The following CA8 variants were observed in gnomAD, a reference collection of about 807,000 sequenced individuals.
CA8 encodes carbonic anhydrase-related protein.
In CA8, 22 loss-of-function variants were observed where a neutral mutation model predicts 41.4. That is an observed-to-expected ratio of 0.53 (90% CI 0.38 to 0.76). The LOEUF (loss-of-function observed/expected upper bound fraction) is 0.76. CA8 is among the 30% of genes least tolerant of loss of function. The probability of loss-of-function intolerance (pLI) is 0.00; values close to 1 mark genes in which losing one functional copy is unlikely to be tolerated. For synonymous variants in CA8, 121 were observed against 130.6 expected (o/e 0.93, Z 0.50); for missense variants, 270 against 352.8 (o/e 0.77, Z 1.88).
At chr8:60,209,407 C>T (rs1806754877) in intron 7 of CA8, among the ~76,000 whole-genome samples, 1 of 152,180 alleles carries the variant, frequency 6.6e-6, no homozygotes, top group African/African-American at 2.4e-5. Context: ...ATCACTTGAA[C>T]CCATGAGGCG....
chr8:60,278,711 T>C (rs1804317681), intron 2 of CA8, among the ~76,000 whole-genome samples: 2 of 152,302 alleles, frequency 1.3e-5, no homozygotes, highest in South Asian at 4.1e-4. Flanking sequence ...TCTATGACTA[T>C]CTCATGGATT....
At chr8:60,224,993 C>A (rs1294389905) in intron 5 of CA8, among the ~76,000 whole-genome samples, 1 of 151,866 alleles carries the variant, frequency 6.6e-6, no homozygotes, top group African/African-American at 2.4e-5. Flanking sequence ...CAGCTCCTAA[C>A]CTTTCCGGCA....
At chr8:60,241,102 T>C (rs914492639) in intron 3 of CA8, among the ~76,000 whole-genome samples, 3 of 152,238 alleles carry the variant, frequency 2.0e-5, no homozygotes, top group East Asian at 1.9e-4. Flanking sequence ...CATCAGCAGA[T>C]AAATCAAGAT....
intron 4 of CA8, among the ~76,000 whole-genome samples, chr8:60,231,256 T>C (rs982144977): frequency 1.3e-5 from 2 of 152,180 alleles, no homozygotes; most frequent in Non-Finnish European, 2.9e-5. Context: ...ATGAAATAAA[T>C]AGTAAGAGGA....
rs149029428 is a variant in CA8, at chr8:60,279,710, C to T, written c.271G>A (p.Val91Ile). 2.7e-5 allele frequency: 43 copies of T among 1,614,122 alleles called. No homozygotes were observed. The African/African-American group carries it at 5.3e-4, about 20-fold the overall frequency. Residue 91 changes from valine (V) to isoleucine (I), a missense_variant, in exon 2 of 9, where the codon GTT becomes ATT. Physicochemically the swap from Val to Ile is conservative, Grantham distance 29 (BLOSUM62 3). Coordinates refer to ENST00000317995, the MANE Select transcript of CA8 (RefSeq NM_004056.6). ...EVTNDGHTIQ[V>I]ILKSKSVLSG... Reference sequence around the variant, plus strand: ...ATACCTGATTTTGACTTCAGGATAACCTGAATGGTATGTCCATCATTGGTG... The same window carrying T: ...ATACCTGATTTTGACTTCAGGATAATCTGAATGGTATGTCCATCATTGGTG...
rs6471849 is a variant in CA8 at position 60,222,436 on chromosome 8, G to A, written c.738+213C>T. On this transcript the variant is annotated intron_variant, in intron 7 of 8. Transcript: ENST00000317995. ...CAGTGATTTCTATTAACTCTCTAAA[G>A]ACTAACTTTTAAAATATAGACCATA... Among the ~76,000 whole-genome samples, 129,617 of 152,226 alleles carry A rather than the reference G, an allele frequency of 0.85. 55,465 individuals are homozygous for A. The highest frequency in any genetic ancestry group is 0.93 in the African/African-American group (38,526 of 41,556).
chr8:60,224,466 A>G (rs1281607786), intron 6 of CA8, 71 bp downstream of exon 6: 1 of 900,714 alleles, frequency 1.1e-6, no homozygotes, highest in East Asian at 2.4e-5. Context: ...ATAGTTTTAC[A>G]TAGTCTGAAG....
intron 2 of CA8, among the ~76,000 whole-genome samples, chr8:60,267,936 G>T (rs1247829464): frequency 6.6e-6 from 1 of 152,152 alleles, no homozygotes; most frequent in Non-Finnish European, 1.5e-5. Context: ...AAGAATGTAT[G>T]AAACGTTTCT....
rs985279083 is a variant in CA8, at chr8:60,186,956, A to G, written c.*3065T>C. Among the ~76,000 whole-genome samples the G allele has an allele frequency of 5.3e-5, 8 of 152,062 alleles. No homozygotes were observed. Among genetic ancestry groups the G allele is most frequent in the Non-Finnish European group, 1.0e-4 (7 of 67,916 alleles). ...TATCAACAAGGAAATAGAAGACTTG[A>G]ACAACACAACAGGCCAACACTATAG... On this transcript the variant is annotated 3_prime_UTR_variant, in exon 9 of 9. Transcript: ENST00000317995.
rs1277413026 is a variant in CA8, at chr8:60,189,670, T to C, written c.*351A>G. ...CGGGAATGTATTTTTCCTTTCTCAA[T>C]ATTAACACATGATATATATTCATAT... On this transcript the variant is annotated 3_prime_UTR_variant, in exon 9 of 9. Transcript: ENST00000317995. 1 of 152,516 alleles carries C rather than the reference T, an allele frequency of 6.6e-6. No individual in the cohort carries two copies. The allele number at this position is 152,516 out of a possible 1,614,324, so 9.4% of individuals were successfully genotyped here. A position where few individuals can be genotyped will look rare whatever the true frequency, so the allele number is the denominator to read the frequency against.
chr8:60,232,082 T>C (rs961196251), intron 4 of CA8, among the ~76,000 whole-genome samples: 8 of 152,192 alleles, frequency 5.3e-5, no homozygotes, highest in African/African-American at 1.9e-4. Context: ...AAATTTCTAA[T>C]AAATAAAGGA....
chr8:60,208,004 G>A (rs1323056890), intron 8 of CA8: 1 of 152,110 alleles, frequency 6.6e-6, no homozygotes, highest in African/African-American at 2.4e-5. Flanking sequence ...GGGAAGCTGT[G>A]GTTTGCCAGT....
chr8:60,234,751 G>A (rs994419201), intron 3 of CA8, among the ~76,000 whole-genome samples: 2 of 152,050 alleles, frequency 1.3e-5, no homozygotes, highest in Non-Finnish European at 2.9e-5. Flanking sequence ...CTGAGTCTTG[G>A]CGGTTCCAGG....
Position 60,239,884 on chromosome 8 carries a change from G to A in CA8, c.418-7505C>T, listed in dbSNP as rs1325731800. Among the ~76,000 whole-genome samples, 6 of 152,172 alleles carry A rather than the reference G, an allele frequency of 3.9e-5. No homozygotes were observed. The East Asian group carries it at 5.8e-4, about 15-fold the overall frequency. On this transcript the variant is annotated intron_variant, in intron 3 of 8. Coordinates refer to ENST00000317995, the MANE Select transcript of CA8 (RefSeq NM_004056.6). ...TCTCTTGCCTGCCGCCATGTAAGAC[G>A]TGCCTTTCACCTTCCACTATGATTG...
intron 7 of CA8, among the ~76,000 whole-genome samples, chr8:60,213,649 G>A (rs1216344098): frequency 2.6e-5 from 4 of 152,114 alleles, no homozygotes; most frequent in Non-Finnish European, 4.4e-5. Context: ...AAAATAAGGA[G>A]AGAAATCTCA....
chr8:60,191,650 T>C (rs1806134971), intron 8 of CA8, among the ~76,000 whole-genome samples: 1 of 152,142 alleles, frequency 6.6e-6, no homozygotes, highest in Admixed American at 6.6e-5. Flanking sequence ...AACACACATT[T>C]TGGAGGACCA....
At chr8:60,213,202 T>C (rs1220263662) in intron 7 of CA8, among the ~76,000 whole-genome samples, 1 of 152,198 alleles carries the variant, frequency 6.6e-6, no homozygotes, top group African/African-American at 2.4e-5. Context: ...ATCTTTTCAA[T>C]TTTTTTGAGG....
intron 7 of CA8, among the ~76,000 whole-genome samples, chr8:60,211,149 T>TAAC (rs1365688459): frequency 6.6e-6 from 1 of 152,092 alleles, no homozygotes; most frequent in Non-Finnish European, 1.5e-5. Flanking sequence ...GACATAATAA[T>TAAC]AACAGTATTC....
intron 3 of CA8, among the ~76,000 whole-genome samples, chr8:60,250,946 A>G (rs1377618247): frequency 1.3e-5 from 2 of 152,168 alleles, no homozygotes; most frequent in Non-Finnish European, 2.9e-5. Flanking sequence ...ATCCAGCCAA[A>G]ATAGACTATT....
Sources: allele counts gnomAD v4.1 joint callset (sites outside exome capture counted in the v4.1 genomes callset), GRCh38; gene constraint gnomAD v4.1.1; transcripts MANE v1.5; gene names NCBI Gene and HGNC (gene_info 2026-07-23, HGNC 2026-07-21).